LGALS4: variants seen among roughly 807,000 people sequenced by gnomAD.
The protein encoded by LGALS4 is galectin 4.
Under a neutral mutation model 39.6 loss-of-function variants are expected in LGALS4, and 37 were observed. The ratio of observed to expected loss-of-function variants is 0.93; its 90% CI spans 0.72 to 1.23. The LOEUF (loss-of-function observed/expected upper bound fraction) is 1.23. LGALS4 is among the 50% of genes most tolerant of loss of function. The probability of loss-of-function intolerance (pLI) is 0.00; values close to 1 mark genes in which losing one functional copy is unlikely to be tolerated. For missense variants in LGALS4, 397 were observed against 433.2 expected (o/e 0.92, Z 0.74); for synonymous variants, 160 against 165.5 (o/e 0.97, Z 0.25).
intron 7 of LGALS4, 78 bp downstream of exon 7, chr19:38,803,444 T>A: frequency 7.0e-7 from 1 of 1,426,740 alleles, no homozygotes; most frequent in Non-Finnish European, 9.9e-7. Context: ...CTCAGCCCAC[T>A]CCCTTTCTGG....
intron 1 of LGALS4, 32 bp downstream of exon 1, chr19:38,812,810 C>G: frequency 6.2e-7 from 1 of 1,607,436 alleles, no homozygotes; most frequent in Non-Finnish European, 8.5e-7. Context: ...GACGGAGCTG[C>G]GGGCGGAGTG....
rs1971360320 is a variant in LGALS4, at chr19:38,801,899, G to A, written c.837C>T (p.Arg279=). 5.0e-6 allele frequency: 8 copies of A among 1,614,130 alleles called. No homozygotes were observed. Among genetic ancestry groups the A allele is most frequent in the Non-Finnish European group, 6.8e-6 (8 of 1,180,050 alleles). Residue 279 remains arginine, a synonymous_variant, in exon 10 of 10, where the codon CGC becomes CGT. Transcript: ENST00000307751. ...GPGQFFDLSI[R]CGLDRFKVYA... ...AAACCTTGAAGCGATCCAAGCCACA[G>A]CGAATGGACAGCTGCAGGGAGAAGG... is the stretch of plus-strand genomic sequence containing the variant.
At chr19:38,807,350 G>C (rs1402190313) in intron 3 of LGALS4, among the ~76,000 whole-genome samples, 4 of 152,148 alleles carry the variant, frequency 2.6e-5, no homozygotes, top group East Asian at 1.9e-4. Context: ...CTGGGCAACA[G>C]AGCGAGACCC....
At position 38,811,209 on chromosome 19, in the gene LGALS4, T is replaced by A. The variant is rs561019589; in HGVS notation, c.134+1222A>T. Among the ~76,000 whole-genome samples the A allele has an allele frequency of 4.6e-5, 7 of 152,228 alleles. No homozygotes were observed. The East Asian group carries it at 5.8e-4, about 13-fold the overall frequency. ...AGCTACCGCGCCCGGCCTGGACTTA[T>A]TTTTTATGTTTCCCCTACTAGGACA... On this transcript the variant is annotated intron_variant, in intron 2 of 9. Transcript: ENST00000307751.
Position 38,808,640 on chromosome 19 carries a change from A to AGAAAG in LGALS4, c.339+103_339+104insCTTTC, listed in dbSNP as rs375873991. ...CTCCATCTCAAAAAAAAAAAAAAAA[A>AGAAAG]AAAGAAAGAAAGAAAGAAAAGGAAG... On this transcript the variant is annotated intron_variant, in intron 3 of 9. Coordinates refer to ENST00000307751, the MANE Select transcript of LGALS4 (RefSeq NM_006149.4). 1.6e-5 allele frequency: 12 copies of AGAAAG among 770,354 alleles called. No homozygotes were observed. In the South Asian group the frequency reaches 1.9e-4, roughly 12 times the overall value. The allele number at this position is 770,354 out of a possible 1,614,324, so 47.7% of individuals were successfully genotyped here.
intron 4 of LGALS4, among the ~76,000 whole-genome samples, chr19:38,804,176 C>T (rs1302089892): frequency 1.3e-5 from 2 of 152,222 alleles, no homozygotes; most frequent in Non-Finnish European, 2.9e-5. Context: ...TCCCGGGGCC[C>T]TCACTCGCTG....
intron 3 of LGALS4, among the ~76,000 whole-genome samples, chr19:38,807,025 G>A (rs1425266701): frequency 6.6e-6 from 1 of 151,836 alleles, no homozygotes; most frequent in Non-Finnish European, 1.5e-5. Flanking sequence ...GACAGCCTCA[G>A]CATCAGGAAC....
At position 38,803,737 on chromosome 19, in the gene LGALS4, C is replaced by A. The variant is rs1971389186; in HGVS notation, c.540+5G>T. ...ACCCGGGGCCCTCCCAGCCCTCCCA[C>A]TCACGGGCAGGCTGTTCAGCTGTTG... On this transcript the variant is annotated splice_donor_5th_base_variant and intron_variant, in intron 6 of 9. Coordinates refer to ENST00000307751, the MANE Select transcript of LGALS4 (RefSeq NM_006149.4). 1.2e-6 allele frequency: 2 copies of A among 1,612,826 alleles called. No individual in the cohort carries two copies. The highest frequency in any genetic ancestry group is 1.7e-5 in the Admixed American group (1 of 59,854).
At position 38,803,762 on chromosome 19, in the gene LGALS4, G is replaced by C. The variant is rs1415376979; in HGVS notation, c.520C>G (p.Gln174Glu). 1 of 1,613,368 alleles carries C rather than the reference G, an allele frequency of 6.2e-7. No individual in the cohort carries two copies. Among genetic ancestry groups the C allele is most frequent in the African/African-American group, 1.3e-5 (1 of 74,810 alleles). Residue 174 changes from glutamine (Q) to glutamate (E), a missense_variant, in exon 6 of 10, where the codon CAA becomes GAA. Coordinates refer to ENST00000307751, the MANE Select transcript of LGALS4 (RefSeq NM_006149.4). ...CTCACGGGCAGGCTGTTCAGCTGTT[G>C]ATGGCAATGTCCGGGACCCTGAACG... ...PPYPGPGHCH[Q>E]QLNSLPTMEG...
At chr19:38,804,863 G>A (rs534780436) in intron 4 of LGALS4, among the ~76,000 whole-genome samples, 4 of 151,834 alleles carry the variant, frequency 2.6e-5, no homozygotes, top group South Asian at 2.1e-4. Flanking sequence ...ACAAATAAAC[G>A]TAGCTTTATA....
intron 2 of LGALS4, among the ~76,000 whole-genome samples, chr19:38,809,844 C>T (rs936510817): frequency 6.6e-6 from 1 of 151,962 alleles, no homozygotes; most frequent in African/African-American, 2.4e-5. Context: ...CCAGTTATGA[C>T]TGTTACAAGT....
In LGALS4 at chr19:38,806,536, G is replaced by A. The variant is rs1262663574; in HGVS notation, c.399C>T (p.Val133=). ...GATCCCCATCCACTTGCAGGTGGGT[G>A]ACCATCTGTAGGGGAAGCCGGTGCC... The part of the protein sequence containing the change: ...EYGHRLPLQM[V]THLQVDGDLQ... Residue 133 remains valine (V), a synonymous_variant, in exon 4 of 10, where the codon GTC becomes GTT. Coordinates refer to ENST00000307751, the MANE Select transcript of LGALS4 (RefSeq NM_006149.4). The A allele has an allele frequency of 6.2e-7, 1 of 1,614,058 alleles. No individual in the cohort carries two copies. The highest frequency in any genetic ancestry group is 1.1e-5 in the South Asian group (1 of 91,070).
In LGALS4 at chr19:38,808,744, C is replaced by G; in HGVS notation, c.339G>C (p.Lys113Asn). The change falls in exon 3 of 10, where the codon AAG becomes AAC. Residue 113 changes from lysine to asparagine, a missense_variant and splice_region_variant. By Grantham distance (94) the Lys-to-Asn change is moderately conservative (BLOSUM62 0). Coordinates refer to ENST00000307751, the MANE Select transcript of LGALS4 (RefSeq NM_006149.4). ...GAAACAAGAGAGAAAGCATGCAGAC[C>G]TTGTAGTGCTCAGCCAGGACTATGA... ...LVFIVLAEHY[K>N]VVVNGNPFYE... 1 of 1,613,852 alleles carries G rather than the reference C, an allele frequency of 6.2e-7. No homozygotes were observed. Among genetic ancestry groups the G allele is most frequent in the Non-Finnish European group, 8.5e-7 (1 of 1,179,846 alleles).
rs1226620850 is a variant in LGALS4 at position 38,809,170 on chromosome 19, CTTCT to C, written c.135-226_135-223del. 5.2e-5 allele frequency among the ~76,000 whole-genome samples: 7 copies of C among 134,504 alleles called. No homozygotes were observed. In the East Asian group the frequency reaches 1.2e-3, roughly 24 times the overall value. The allele number at this position is 134,504 out of a possible 152,430, so 88.2% of individuals were successfully genotyped here. A position where few individuals can be genotyped will look rare whatever the true frequency, so the allele number is the denominator to read the frequency against. On this transcript the variant is annotated intron_variant, in intron 2 of 9. Coordinates refer to ENST00000307751, the MANE Select transcript of LGALS4 (RefSeq NM_006149.4). ...ACCACACCTTCGCTCACAGCCTTTC[CTTCT>C]TTTTTTTTTTTTTTTTTTTTTTGAG...
At position 38,803,524 on chromosome 19, in the gene LGALS4, G is replaced by A; in HGVS notation, c.568C>T (p.Pro190Ser). 6.2e-6 allele frequency: 10 copies of A among 1,613,984 alleles called. No individual in the cohort carries two copies. The highest frequency in any genetic ancestry group is 8.5e-6 in the Non-Finnish European group (10 of 1,179,912). ...PTMEGPPTFN[P>S]PVPYFGRLQG... ...ATCTCTGTTTCCCCAAGCCATACCG[G>A]GTTGAAGGTTGGGGGTCCTTCCATG... The change falls in exon 7 of 10, where the codon CCG becomes TCG. Residue 190 changes from proline (P) to serine (S), a missense_variant and splice_region_variant. By Grantham distance (74) the Pro-to-Ser change is moderately conservative. Coordinates refer to ENST00000307751, the MANE Select transcript of LGALS4 (RefSeq NM_006149.4).
At chr19:38,808,688 G>T in intron 3 of LGALS4, 56 bp downstream of exon 3, 1 of 1,350,982 alleles carries the variant, frequency 7.4e-7, no homozygotes, top group Non-Finnish European at 1.0e-6. Context: ...GAAGGAAGCA[G>T]CCAAGATGGC....
rs765171638 is a variant in LGALS4 at position 38,812,463 on chromosome 19, G to A, written c.102C>T (p.Tyr34=). 11 of 1,614,064 alleles carry A rather than the reference G, an allele frequency of 6.8e-6. No individual in the cohort carries two copies. The African/African-American group carries it at 1.3e-4, about 20-fold the overall frequency. ...PGGLNVGMSV[Y]IQGVASEHMK... ...TGTGCTCGCTGGCCACTCCTTGGAT[G>A]TAAACAGACATTCCCACGTTGAGCC... is the stretch of plus-strand genomic sequence containing the variant. Residue 34 remains tyrosine (Y), a synonymous_variant, in exon 2 of 10, where the codon TAC becomes TAT. Coordinates refer to ENST00000307751, the MANE Select transcript of LGALS4 (RefSeq NM_006149.4).
chr19:38,812,566 G>T (rs1386581171), intron 1 of LGALS4, 47 bp from the exon 2 acceptor site: 15 of 1,559,780 alleles, frequency 9.6e-6, no homozygotes, highest in Non-Finnish European at 1.2e-5. Flanking sequence ...TCTGCCTGTT[G>T]CAGCCTTTAC....
chr19:38,809,049 T>A, intron 2 of LGALS4, 101 bp from the exon 3 acceptor site: 1 of 975,768 alleles, frequency 1.0e-6, no homozygotes, highest in Non-Finnish European at 1.5e-6. Flanking sequence ...TCGGCCTCCC[T>A]GGCCCGGACC....
Sources: gnomAD v4.1 joint callset for allele counts (sites outside exome capture counted in the v4.1 genomes callset) on GRCh38, gnomAD v4.1.1 for gene constraint, MANE v1.5 for transcripts, NCBI Gene and HGNC (gene_info 2026-07-23, HGNC 2026-07-21) for gene names.